Variants in MPZL2 observed in about 807,000 individuals in gnomAD.
MPZL2 encodes the protein myelin protein zero like 2, also known as myelin protein zero-like protein 2.
MPZL2 carries 32 observed loss-of-function variants against 24.5 expected under a neutral mutation model. The observed-to-expected ratio is 1.31, with a 90% CI of 0.99 to 1.76. MPZL2 has a LOEUF of 1.76. MPZL2 is among the 40% of genes most tolerant of loss of function. The pLI is 0.00. For synonymous variants in MPZL2, 92 were observed against 97.9 expected (o/e 0.94, Z 0.36); for missense variants, 304 against 274.9 (o/e 1.11, Z -0.75).
chr11:118,259,803 A>G (rs1949686737), intron 4 of MPZL2: 1 of 368,382 alleles, frequency 2.7e-6, no homozygotes, highest in Non-Finnish European at 4.9e-6. Flanking sequence ...AAAGCTTTAC[A>G]TAGCACATTT....
intron 4 of MPZL2, among the ~76,000 whole-genome samples, chr11:118,258,782 C>T (rs1213247838): frequency 6.6e-6 from 1 of 151,918 alleles, no homozygotes; most frequent in Non-Finnish European, 1.5e-5. Flanking sequence ...TGTAGCACCT[C>T]CCCCCAACTC....
rs909968659 is a variant in MPZL2 at position 118,254,603 on chromosome 11, T to G, written c.*643A>C. The G allele has an allele frequency of 6.6e-5, 10 of 152,258 alleles. No homozygotes were observed. Among genetic ancestry groups the G allele is most frequent in the African/African-American group, 1.7e-4 (7 of 41,476 alleles). The allele number at this position is 152,258 out of a possible 1,614,324, so 9.4% of individuals were successfully genotyped here. A position where few individuals can be genotyped will look rare whatever the true frequency, so the allele number is the denominator to read the frequency against. ...AACCTTTTGTAGTTACTGTGTGATT[T>G]AGCGTTGTGCTATTGTAAATCTTGG... On this transcript the variant is annotated 3_prime_UTR_variant, in exon 6 of 6. Transcript: ENST00000278937.
chr11:118,260,216 A>T lies in MPZL2; in HGVS notation c.437-15T>A, dbSNP rs1565500334. On this transcript the variant is annotated splice_polypyrimidine_tract_variant and intron_variant, in intron 3 of 5. Coordinates refer to ENST00000278937, the MANE Select transcript of MPZL2 (RefSeq NM_005797.4). ...AGAGAAGCGTACTGTAAGGAGAAAA[A>T]GATTAAATTAGGATTCTAAAAAGAA... is the stretch of plus-strand genomic sequence containing the variant. The T allele has an allele frequency of 6.2e-7, 1 of 1,608,622 alleles. No homozygotes were observed. Among genetic ancestry groups the T allele is most frequent in the African/African-American group, 1.3e-5 (1 of 74,682 alleles).
intron 5 of MPZL2, 49 bp downstream of exon 5, chr11:118,257,189 G>A: frequency 7.3e-7 from 1 of 1,372,770 alleles, no homozygotes; most frequent in South Asian, 1.2e-5. Context: ...AGATGGGCTG[G>A]ACATGTCAGA....
chr11:118,263,276 A>G lies in MPZL2; in HGVS notation c.59-179T>C, dbSNP rs530143694. The G allele has an allele frequency of 4.6e-5, 28 of 613,222 alleles. No individual in the cohort carries two copies. The African/African-American group carries it at 4.6e-4, about 10-fold the overall frequency. 38.0% of individuals were successfully genotyped at this position (613,222 alleles called of 1,614,324 possible). A position where few individuals can be genotyped will look rare whatever the true frequency, so the allele number is the denominator to read the frequency against. On this transcript the variant is annotated intron_variant, in intron 1 of 5. Coordinates refer to ENST00000278937, the MANE Select transcript of MPZL2 (RefSeq NM_005797.4). ...ATACTCCTACCTGTATGCAGCCTGG[A>G]CCCTCCCATTCCATGTGACAACTAA... is the stretch of plus-strand genomic sequence containing the variant.
chr11:118,262,062 A>C (rs1949704026), intron 3 of MPZL2, among the ~76,000 whole-genome samples: 1 of 152,192 alleles, frequency 6.6e-6, no homozygotes, highest in African/African-American at 2.4e-5. Flanking sequence ...TATGTCATGC[A>C]CTTTTGACGG....
rs1452049791 is a variant in MPZL2, at chr11:118,262,331, A to G, written c.436+107T>C. On this transcript the variant is annotated intron_variant, in intron 3 of 5. Coordinates refer to ENST00000278937, the MANE Select transcript of MPZL2 (RefSeq NM_005797.4). ...TTCTGAAGGGCTAGTCCCTCTCTCT[A>G]TCCATCACAAAAGATTGTCCCTCTC... 6 of 1,167,596 alleles carry G rather than the reference A, an allele frequency of 5.1e-6. No individual in the cohort carries two copies. The African/African-American group carries it at 7.6e-5, about 15-fold the overall frequency. 72.3% of individuals were successfully genotyped at this position (1,167,596 alleles called of 1,614,324 possible).
chr11:118,261,819 T>C (rs972159452), intron 3 of MPZL2, among the ~76,000 whole-genome samples: 2 of 152,230 alleles, frequency 1.3e-5, no homozygotes, highest in Admixed American at 1.3e-4. Context: ...GAGTCCTAAG[T>C]TACTCCATTT....
At chr11:118,262,753 T>C in intron 2 of MPZL2, 105 bp from the exon 3 acceptor site, 1 of 1,357,660 alleles carries the variant, frequency 7.4e-7, no homozygotes, top group Non-Finnish European at 1.0e-6. Context: ...CTGTCCTGTC[T>C]GCAGCTCTGT....
rs1388754231 is a variant in MPZL2 at position 118,253,744 on chromosome 11, A to AATTT, written c.*1498_*1501dup. ...TAAAGGATATATAGCCTTCAGATGT[A>AATTT]ATTTACAGTTTTAAAATTGCACTTT... On this transcript the variant is annotated 3_prime_UTR_variant, in exon 6 of 6. Transcript: ENST00000278937. 1 of 152,422 alleles carries AATTT rather than the reference A, an allele frequency of 6.6e-6. No homozygotes were observed. Among genetic ancestry groups the AATTT allele is most frequent in the Non-Finnish European group, 1.5e-5 (1 of 68,004 alleles). The allele number at this position is 152,422 out of a possible 1,614,324, so 9.4% of individuals were successfully genotyped here.
chr11:118,261,006 C>T (rs1949696873), intron 3 of MPZL2, among the ~76,000 whole-genome samples: 1 of 152,182 alleles, frequency 6.6e-6, no homozygotes, highest in South Asian at 2.1e-4. Context: ...TCTGCAAGCC[C>T]ACAGAATCCA....
chr11:118,259,992 C>T (rs2134731517), intron 4 of MPZL2, 62 bp downstream of exon 4: 5 of 1,586,604 alleles, frequency 3.2e-6, no homozygotes, highest in Non-Finnish European at 4.3e-6. Flanking sequence ...ATTTAGCCCA[C>T]TGCAAAATAC....
chr11:118,263,132 G>A (rs1949715299), intron 1 of MPZL2, 35 bp from the exon 2 acceptor site: 1 of 1,600,910 alleles, frequency 6.2e-7, no homozygotes, highest in Non-Finnish European at 8.5e-7. Flanking sequence ...AGGGTTAACA[G>A]GGGATGTAGT....
Position 118,257,243 on chromosome 11 carries a change from A to G in MPZL2, c.*7T>C, listed in dbSNP as rs1158452351. 1 of 1,607,042 alleles carries G rather than the reference A, an allele frequency of 6.2e-7. No homozygotes were observed. Among genetic ancestry groups the G allele is most frequent in the Admixed American group, 1.7e-5 (1 of 59,424 alleles). ...AACCTATTTGTGAACCTTACCATCTAAAATTGTTAGTCTGTGTCTTCTAAA... is the reference window on the plus strand; with the variant it reads ...AACCTATTTGTGAACCTTACCATCTGAAATTGTTAGTCTGTGTCTTCTAAA... On this transcript the variant is annotated 3_prime_UTR_variant, in exon 5 of 6. Coordinates refer to ENST00000278937, the MANE Select transcript of MPZL2 (RefSeq NM_005797.4).
intron 4 of MPZL2, chr11:118,257,514 A>G: frequency 2.2e-6 from 1 of 444,552 alleles, no homozygotes; most frequent in Non-Finnish European, 4.0e-6. Flanking sequence ...GAGACTTTTC[A>G]GAATGTAAGG....
At position 118,257,905 on chromosome 11, in the gene MPZL2, G is replaced by A. The variant is rs191724309; in HGVS notation, c.585-592C>T. On this transcript the variant is annotated intron_variant, in intron 4 of 5. Coordinates refer to ENST00000278937, the MANE Select transcript of MPZL2 (RefSeq NM_005797.4). ...CATGCCTGTAATCCCAGCTACTTGGGAAGCTGAGGCAAGAGAATCGCTTGA... is the reference window on the plus strand; with the variant it reads ...CATGCCTGTAATCCCAGCTACTTGGAAAGCTGAGGCAAGAGAATCGCTTGA... 8.9e-3 allele frequency among the ~76,000 whole-genome samples: 1,354 copies of A among 152,186 alleles called. 7 individuals carry two copies. Among genetic ancestry groups the A allele is most frequent in the South Asian group, 0.016 (78 of 4,816 alleles).
rs780923229 is a variant in MPZL2, at chr11:118,262,477, C to T, written c.397G>A (p.Gly133Arg). The part of the protein sequence containing the change: ...CQVKNPPDVD[G>R]VIGEIRLSVV... ...CTGAGCCGGATCTCCCCTATCACCC[C>T]ATCAACATCAGGTGGGTTCTTCACC... Residue 133 changes from glycine (G) to arginine (R), a missense_variant, in exon 3 of 6, where the codon GGG (glycine) becomes AGG (arginine). Coordinates refer to ENST00000278937, the MANE Select transcript of MPZL2 (RefSeq NM_005797.4). 6.2e-7 allele frequency: 1 copy of T among 1,614,172 alleles called. No individual in the cohort carries two copies. Among genetic ancestry groups the T allele is most frequent in the Non-Finnish European group, 8.5e-7 (1 of 1,180,024 alleles).
At position 118,260,252 on chromosome 11, in the gene MPZL2, A is replaced by G. The variant is rs753621747; in HGVS notation, c.437-51T>C. On this transcript the variant is annotated intron_variant, in intron 3 of 5. Transcript: ENST00000278937. ...GGATTCTAAAAAGAAGAGGACTACA[A>G]TGAAATCTAATGACATAATAGGGAT... The G allele has an allele frequency of 3.8e-6, 6 of 1,564,582 alleles. No individual in the cohort carries two copies. The East Asian group carries it at 9.0e-5, about 23-fold the overall frequency.
chr11:118,260,406 C>T (rs897470975), intron 3 of MPZL2, among the ~76,000 whole-genome samples: 2 of 152,144 alleles, frequency 1.3e-5, no homozygotes, highest in Non-Finnish European at 2.9e-5. Context: ...GTGTGGTCTT[C>T]GAAGTAACAG....
Sources: gnomAD v4.1 joint callset for allele counts (sites outside exome capture counted in the v4.1 genomes callset) on GRCh38, gnomAD v4.1.1 for gene constraint, MANE v1.5 for transcripts, NCBI Gene and HGNC (gene_info 2026-07-23, HGNC 2026-07-21) for gene names.